MAPK14: variants seen among roughly 807,000 people sequenced by gnomAD.
The protein encoded by MAPK14 is mitogen-activated protein kinase 14, also known as CSAID-binding protein.
Under a neutral mutation model 49.6 loss-of-function variants are expected in MAPK14, and 16 were observed. The observed-to-expected ratio is 0.32, with a 90% CI of 0.22 to 0.49. The LOEUF (loss-of-function observed/expected upper bound fraction) is 0.49. Ranked by LOEUF, MAPK14 falls within the 20% of genes least tolerant of loss-of-function variation. The pLI is 0.99. For synonymous variants in MAPK14, 142 were observed against 158.0 expected, an observed-to-expected ratio of 0.90 and a Z score of 0.76; for missense variants, 200 against 441.2, an observed-to-expected ratio of 0.45 and a Z score of 4.90.
the MAPK14 span, among the ~76,000 whole-genome samples, chr6:36,120,239 T>C: frequency 6.6e-6 from 1 of 152,252 alleles, no homozygotes; most frequent in Non-Finnish European, 1.5e-5. Flanking sequence ...GTGTGGCTCA[T>C]AGTAAGAACT....
intron 1 of MAPK14, among the ~76,000 whole-genome samples, chr6:36,041,159 G>A (rs1167518330): frequency 2.0e-5 from 3 of 151,230 alleles, no homozygotes; most frequent in Non-Finnish European, 4.4e-5. Context: ...ATTACTTTAA[G>A]GGTGTGAGGC....
chr6:36,042,524 T>C (rs936475724), intron 1 of MAPK14, among the ~76,000 whole-genome samples: 2 of 146,640 alleles, frequency 1.4e-5, no homozygotes, highest in African/African-American at 5.0e-5. Flanking sequence ...AGGGTTTTGC[T>C]CTGTCACCTG....
chr6:36,108,023 C>A (rs1382432188), intron 11 of MAPK14, among the ~76,000 whole-genome samples: 1 of 152,174 alleles, frequency 6.6e-6, no homozygotes, highest in Non-Finnish European at 1.5e-5. Context: ...TGTGTCCAGT[C>A]CCATATTCTT....
Position 36,076,529 on chromosome 6 carries a change from T to G in MAPK14, c.611-8T>G. The stretch of plus-strand genomic sequence containing the variant: ...GCATATACTTTTACTTCTTTTTAAT[T>G]TTGCCAGTTGATATTTGGTCAGTGG... On this transcript the variant is annotated splice_polypyrimidine_tract_variant and splice_region_variant and intron_variant, in intron 7 of 11. Coordinates refer to ENST00000229794, the MANE Select transcript of MAPK14 (RefSeq NM_139012.3). 1 of 1,608,826 alleles carries G rather than the reference T, an allele frequency of 6.2e-7. No homozygotes were observed. Among genetic ancestry groups the G allele is most frequent in the Non-Finnish European group, 8.5e-7 (1 of 1,175,240 alleles).
chr6:36,102,820 T>A, intron 10 of MAPK14, 171 bp downstream of exon 10: 1 of 1,109,646 alleles, frequency 9.0e-7, no homozygotes, highest in Non-Finnish European at 1.3e-6. Flanking sequence ...TTTTTTTTAA[T>A]CACATGAGAT....
chr6:36,076,001 C>G, intron 7 of MAPK14, 39 bp downstream of exon 7: 1 of 1,604,872 alleles, frequency 6.2e-7, no homozygotes, highest in Non-Finnish European at 8.5e-7. Flanking sequence ...TTATTTAATT[C>G]CATGTTGGAT....
At chr6:36,071,161 C>T (rs1764256792) in intron 3 of MAPK14, among the ~76,000 whole-genome samples, 1 of 151,828 alleles carries the variant, frequency 6.6e-6, no homozygotes, top group African/African-American at 2.4e-5. Flanking sequence ...GATGAAACCC[C>T]GCCTCTACTA....
chr6:36,062,657 C>CTTTTTTTT (rs1763869138), intron 3 of MAPK14, among the ~76,000 whole-genome samples: 1 of 118,530 alleles, frequency 8.4e-6, no homozygotes, highest in Non-Finnish European at 2.0e-5. Flanking sequence ...TTTTCTTTTT[C>CTTTTTTTT]TTTTCTTTTT....
At chr6:36,096,155 T>A in intron 9 of MAPK14, 89 bp downstream of exon 9, 1 of 870,686 alleles carries the variant, frequency 1.1e-6, no homozygotes, top group Non-Finnish European at 1.9e-6. Context: ...GGTGTGTTTG[T>A]AAGCACACAT....
At position 36,099,589 on chromosome 6, in the gene MAPK14, C is replaced by G. The variant is rs978426829; in HGVS notation, c.763-2982C>G. On this transcript the variant is annotated intron_variant, in intron 9 of 11. Transcript: ENST00000229794. ...CTTTGCCATTAGCCTCTAACCTTCT[C>G]CTCTTCTCCTCTTTCTTCATTTACC... Among the ~76,000 whole-genome samples the G allele has an allele frequency of 3.3e-5, 5 of 152,188 alleles. No homozygotes were observed. In the East Asian group the frequency reaches 9.6e-4, roughly 29 times the overall value.
At chr6:36,116,033 A>G (rs9380547), downstream of MAPK14, among the ~76,000 whole-genome samples, 1 of 151,836 alleles carries the variant, frequency 6.6e-6, no homozygotes, top group Non-Finnish European at 1.5e-5. Flanking sequence ...TGCTTAAGCC[A>G]TGGAGGTTGA....
At chr6:36,065,411 G>T (rs1193417271) in intron 3 of MAPK14, among the ~76,000 whole-genome samples, 1 of 151,924 alleles carries the variant, frequency 6.6e-6, no homozygotes, top group Non-Finnish European at 1.5e-5. Context: ...CAAAAAAAAT[G>T]TATACACAGA....
At chr6:36,085,228 T>G in intron 8 of MAPK14, among the ~76,000 whole-genome samples, 1 of 152,140 alleles carries the variant, frequency 6.6e-6, no homozygotes, top group African/African-American at 2.4e-5. Context: ...TGTTTTCTTT[T>G]ACCAGTAACA....
At chr6:36,121,848 G>A in the MAPK14 span, among the ~76,000 whole-genome samples, 2 of 152,184 alleles carry the variant, frequency 1.3e-5, no homozygotes, top group Non-Finnish European at 1.5e-5. Context: ...GTGTCCTTGG[G>A]CAAGTCACTT....
intron 8 of MAPK14, among the ~76,000 whole-genome samples, chr6:36,087,154 G>GT (rs1260191727): frequency 2.0e-5 from 3 of 151,890 alleles, no homozygotes; most frequent in South Asian, 2.1e-4. Flanking sequence ...CTCAAAATAA[G>GT]CCATGTAAGA....
At chr6:36,102,531 T>G in intron 9 of MAPK14, 40 bp from the exon 10 acceptor site, 2 of 1,475,428 alleles carry the variant, frequency 1.4e-6, no homozygotes, top group South Asian at 2.3e-5. Context: ...AGCAGTAACA[T>G]TATTGAACAA....
chr6:36,074,003 C>G, intron 5 of MAPK14, 46 bp from the exon 6 acceptor site: 2 of 1,376,260 alleles, frequency 1.5e-6, no homozygotes, highest in South Asian at 2.3e-5. Context: ...GAGAATTGAT[C>G]ATGCATCATA....
intron 4 of MAPK14, 37 bp from the exon 5 acceptor site, chr6:36,073,654 A>G (rs851010): frequency 0.52 from 798,986 of 1,548,842 alleles, 214,589 homozygotes; most frequent in South Asian, 0.62. Context: ...TGACAATAGA[A>G]GGTTGGAGGT....
chr6:36,084,115 G>GC (rs1764879263), intron 8 of MAPK14, among the ~76,000 whole-genome samples: 1 of 152,176 alleles, frequency 6.6e-6, no homozygotes, highest in African/African-American at 2.4e-5. Context: ...TGGAAGAGGG[G>GC]CCTGACTGTT....
Sources: gnomAD v4.1 joint callset for allele counts (sites outside exome capture counted in the v4.1 genomes callset) on GRCh38, gnomAD v4.1.1 for gene constraint, MANE v1.5 for transcripts, NCBI Gene and HGNC (gene_info 2026-07-23, HGNC 2026-07-21) for gene names.